Variants in NCAM2 observed in about 807,000 individuals in gnomAD.
NCAM2 encodes the protein N-CAM-2.
A neutral mutation model predicts 98.1 loss-of-function variants in NCAM2; 30 were observed. That is an observed-to-expected ratio of 0.31 (90% confidence interval 0.23 to 0.41). The LOEUF is 0.41. Ranked by LOEUF, NCAM2 falls within the 10% of genes least tolerant of loss-of-function variation. NCAM2 has a pLI of 1.00. For synonymous variants in NCAM2, 368 were observed against 342.4 expected (o/e 1.07, Z -0.83); for missense variants, 867 against 1,005.8 (o/e 0.86, Z 1.87).
chr21:21,322,261 T>A (rs2074394932), intron 5 of NCAM2, among the ~76,000 whole-genome samples: 1 of 152,028 alleles, frequency 6.6e-6, no homozygotes, highest in Admixed American at 6.6e-5. Flanking sequence ...TGAATGCCCA[T>A]GGACATAAAG....
chr21:21,456,172 G>A (rs1602396869), intron 12 of NCAM2, among the ~76,000 whole-genome samples: 2 of 152,040 alleles, frequency 1.3e-5, no homozygotes, highest in Non-Finnish European at 2.9e-5. Context: ...TAGCAAATTT[G>A]ACTGGGAATC....
At chr21:21,075,497 T>G (rs1370669911) in intron 1 of NCAM2, among the ~76,000 whole-genome samples, 1 of 152,170 alleles carries the variant, frequency 6.6e-6, no homozygotes, top group African/African-American at 2.4e-5. Flanking sequence ...AGTGCAACAT[T>G]GAATAGAAAT....
chr21:21,081,766 A>G (rs2065804974), intron 1 of NCAM2, among the ~76,000 whole-genome samples: 1 of 151,960 alleles, frequency 6.6e-6, no homozygotes, highest in African/African-American at 2.4e-5. Flanking sequence ...TTGCCACTGC[A>G]CTCCAGCCAG....
chr21:21,094,328 A>T (rs2066073305), intron 1 of NCAM2, among the ~76,000 whole-genome samples: 1 of 151,956 alleles, frequency 6.6e-6, no homozygotes, highest in East Asian at 1.9e-4. Flanking sequence ...ATACATTATC[A>T]ACTGGATAGT....
At position 21,420,577 on chromosome 21, in the gene NCAM2, A is replaced by C. The variant is rs2588653; in HGVS notation, c.1480+2008A>C. On this transcript the variant is annotated intron_variant, in intron 11 of 17. Transcript: ENST00000400546. ...TTATTTATAACTTTAATTTTATATT[A>C]AGTTCAGAAAAATGTTCATTTTTAC... 7.3e-3 allele frequency among the ~76,000 whole-genome samples: 1,111 copies of C among 152,104 alleles called. 14 individuals are homozygous for C. The highest frequency in any genetic ancestry group is 0.025 in the African/African-American group (1,031 of 41,540).
chr21:21,241,880 C>T (rs1406156695), intron 1 of NCAM2, among the ~76,000 whole-genome samples: 1 of 151,852 alleles, frequency 6.6e-6, no homozygotes, highest in African/African-American at 2.4e-5. Flanking sequence ...ATTGATAGTA[C>T]AAGTAGGAAG....
At chr21:21,014,243 A>G (rs8126700) in intron 1 of NCAM2, among the ~76,000 whole-genome samples, 2,336 of 152,020 alleles carry the variant, frequency 0.015, 62 homozygotes, top group African/African-American at 0.054. Context: ...GGCCAACATG[A>G]TGAAACCCCA....
intron 1 of NCAM2, among the ~76,000 whole-genome samples, chr21:21,192,414 AAATAG>A (rs1379807756): frequency 6.6e-6 from 1 of 152,160 alleles, no homozygotes; most frequent in East Asian, 1.9e-4. Context: ...TAGAGTAGAT[AAATAG>A]AATAAAGTCC....
At chr21:21,314,653 T>A (rs1453359925) in intron 5 of NCAM2, among the ~76,000 whole-genome samples, 1 of 152,152 alleles carries the variant, frequency 6.6e-6, no homozygotes, top group Non-Finnish European at 1.5e-5. Context: ...CTATTCACTT[T>A]TTCCTTTAAT....
At chr21:21,475,351 TC>T (rs1985030897) in intron 14 of NCAM2, among the ~76,000 whole-genome samples, 1 of 152,124 alleles carries the variant, frequency 6.6e-6, no homozygotes, top group Non-Finnish European at 1.5e-5. Flanking sequence ...AGGCCTCATG[TC>T]TTTCTTCTGG....
intron 1 of NCAM2, among the ~76,000 whole-genome samples, chr21:21,106,077 A>C (rs1365063379): frequency 1.3e-5 from 2 of 152,140 alleles, no homozygotes; most frequent in East Asian, 3.9e-4. Flanking sequence ...TTACCAAAAA[A>C]AGGACAGTAG....
chr21:21,310,188 T>C (rs1376933137), intron 5 of NCAM2, among the ~76,000 whole-genome samples: 1 of 152,112 alleles, frequency 6.6e-6, no homozygotes, highest in Non-Finnish European at 1.5e-5. Context: ...ATACATCTTG[T>C]TCTATAATAA....
chr21:21,230,553 C>A (rs1383954907), intron 1 of NCAM2, among the ~76,000 whole-genome samples: 3 of 151,230 alleles, frequency 2.0e-5, no homozygotes, highest in African/African-American at 7.3e-5. Context: ...TTTCTTCTTT[C>A]CTCTCTATCC....
intron 1 of NCAM2, among the ~76,000 whole-genome samples, chr21:21,079,794 A>G (rs980692693): frequency 2.0e-5 from 3 of 152,204 alleles, no homozygotes; most frequent in South Asian, 2.1e-4. Flanking sequence ...TAGCCAGCTT[A>G]CTCTAAGAGT....
chr21:21,504,610 GT>G (rs1987857505), intron 15 of NCAM2, among the ~76,000 whole-genome samples: 2 of 151,676 alleles, frequency 1.3e-5, no homozygotes, highest in South Asian at 4.1e-4. Flanking sequence ...GAGTAAATTG[GT>G]GAGAGAAAAT....
At chr21:21,188,701 C>T (rs757288768) in intron 1 of NCAM2, among the ~76,000 whole-genome samples, 12 of 152,136 alleles carry the variant, frequency 7.9e-5, no homozygotes, top group South Asian at 2.1e-4. Flanking sequence ...GACAAAATTA[C>T]GTAATGCCAG....
At position 21,500,628 on chromosome 21, in the gene NCAM2, AT is replaced by A. The variant is rs1460259655; in HGVS notation, c.2078-8216del. ...ATATAAAGATAAATATTTTGGAATAATTTTTTTCTTACCACCCACAAATATA... is the reference window on the plus strand; with the variant it reads ...ATATAAAGATAAATATTTTGGAATAATTTTTTCTTACCACCCACAAATATA... On this transcript the variant is annotated intron_variant, in intron 15 of 17. Transcript: ENST00000400546. 3.3e-5 allele frequency among the ~76,000 whole-genome samples: 5 copies of A among 152,022 alleles called. No homozygotes were observed. The East Asian group carries it at 5.8e-4, about 18-fold the overall frequency.
At chr21:21,357,520 A>G (rs577659216) in intron 8 of NCAM2, among the ~76,000 whole-genome samples, 5 of 152,258 alleles carry the variant, frequency 3.3e-5, no homozygotes, top group African/African-American at 1.2e-4. Flanking sequence ...CATTTCAAAT[A>G]TCTGCACTTT....
intron 1 of NCAM2, among the ~76,000 whole-genome samples, chr21:21,164,423 C>T (rs892196071): frequency 2.1e-4 from 32 of 152,156 alleles, no homozygotes; most frequent in African/African-American, 6.0e-4. Flanking sequence ...ACTGAATTAC[C>T]TTTGCAAGAT....
Sources: allele counts gnomAD v4.1 joint callset (sites outside exome capture counted in the v4.1 genomes callset), GRCh38; gene constraint gnomAD v4.1.1; transcripts MANE v1.5; gene names NCBI Gene and HGNC (gene_info 2026-07-23, HGNC 2026-07-21).